The following CSMD1 variants were observed in gnomAD, a reference collection of about 807,000 sequenced individuals.
The protein encoded by CSMD1 is CUB and Sushi multiple domains 1, also known as CUB and sushi domain-containing protein 1.
In CSMD1, 213 loss-of-function variants were observed where a neutral mutation model predicts 417.5. The ratio of observed to expected loss-of-function variants is 0.51; its 90% confidence interval spans 0.46 to 0.57. The LOEUF (loss-of-function observed/expected upper bound fraction) is 0.57. Ranked by LOEUF, CSMD1 falls within the 20% of genes least tolerant of loss-of-function variation. The pLI is 0.00. For missense variants in CSMD1, 6,923 were observed against 4,529.7 expected (o/e 1.53, Z -15.17); for synonymous variants, 2,862 against 1,736.8 (o/e 1.65, Z -16.11).
At chr8:3,389,010 C>G (rs1289059243) in intron 17 of CSMD1, among the ~76,000 whole-genome samples, 3 of 152,056 alleles carry the variant, frequency 2.0e-5, no homozygotes, top group Admixed American at 1.3e-4. Flanking sequence ...ATTATTGGCT[C>G]CAAATGAACA....
At chr8:4,968,019 T>G (rs988448885) in intron 1 of CSMD1, among the ~76,000 whole-genome samples, 1 of 152,158 alleles carries the variant, frequency 6.6e-6, no homozygotes, top group Non-Finnish European at 1.5e-5. Context: ...TTTTATATAA[T>G]TGAATCTGAC....
intron 3 of CSMD1, among the ~76,000 whole-genome samples, chr8:4,174,106 G>C (rs1345389780): frequency 6.6e-6 from 1 of 152,134 alleles, no homozygotes; most frequent in Non-Finnish European, 1.5e-5. Context: ...CTCACAGAGT[G>C]GAGGGTAGGG....
At chr8:3,204,179 A>C (rs1797126945) in intron 31 of CSMD1, among the ~76,000 whole-genome samples, 1 of 152,182 alleles carries the variant, frequency 6.6e-6, no homozygotes, top group South Asian at 2.1e-4. Context: ...GTGTGATTAA[A>C]CTTTTCAAAT....
chr8:3,188,127 TGCC>T (rs1796182282), intron 35 of CSMD1, among the ~76,000 whole-genome samples, 162 bp from the exon 36 acceptor site: 1 of 147,028 alleles, frequency 6.8e-6, no homozygotes, highest in East Asian at 2.0e-4. Flanking sequence ...ATGCCTCCAA[TGCC>T]ATATATATAT....
chr8:4,010,806 A>G (rs1206788421), intron 4 of CSMD1, among the ~76,000 whole-genome samples: 1 of 152,146 alleles, frequency 6.6e-6, no homozygotes, highest in Non-Finnish European at 1.5e-5. Context: ...CATCACAGTA[A>G]AACACCTTTG....
In CSMD1 at chr8:4,486,938, G is replaced by C. The variant is rs180970806; in HGVS notation, c.303-66873C>G. Among the ~76,000 whole-genome samples the C allele has an allele frequency of 2.8e-4, 43 of 152,216 alleles. No homozygotes were observed. In the East Asian group the frequency reaches 7.7e-3, roughly 27 times the overall value. On this transcript the variant is annotated intron_variant, in intron 2 of 69. Coordinates refer to ENST00000635120, the MANE Select transcript of CSMD1 (RefSeq NM_033225.6). ...TAATTAAAGCTTGTCAAGCAGGCAGGGTCCTAAATGGTAGCTCACAGAGAG... is the reference window on the plus strand; with the variant it reads ...TAATTAAAGCTTGTCAAGCAGGCAGCGTCCTAAATGGTAGCTCACAGAGAG...
chr8:4,250,323 C>G (rs1220480371), intron 3 of CSMD1, among the ~76,000 whole-genome samples: 1 of 152,180 alleles, frequency 6.6e-6, no homozygotes, highest in Non-Finnish European at 1.5e-5. Context: ...TTTTCCATAG[C>G]TGTGCAAGCT....
chr8:3,762,951 TC>T (rs58828347), intron 5 of CSMD1, among the ~76,000 whole-genome samples: 7,112 of 152,250 alleles, frequency 0.047, 587 homozygotes, highest in African/African-American at 0.16. Context: ...TTTCTGCTCA[TC>T]CCCCAACTCT....
chr8:3,098,374 C>G (rs1484419632), intron 46 of CSMD1, among the ~76,000 whole-genome samples: 1 of 152,136 alleles, frequency 6.6e-6, no homozygotes, highest in Non-Finnish European at 1.5e-5. Context: ...AAGTAACTGC[C>G]TTTTGAAAAG....
intron 7 of CSMD1, among the ~76,000 whole-genome samples, chr8:3,680,684 T>G (rs1396197844): frequency 6.6e-6 from 1 of 152,176 alleles, no homozygotes; most frequent in African/African-American, 2.4e-5. Context: ...CCTAACTCAT[T>G]TCATGAGGCC....
At chr8:4,131,315 G>T (rs1159687911) in intron 3 of CSMD1, among the ~76,000 whole-genome samples, 1 of 152,112 alleles carries the variant, frequency 6.6e-6, no homozygotes, top group Non-Finnish European at 1.5e-5. Context: ...TGTAATGTGA[G>T]GTCTGACTGT....
intron 25 of CSMD1, among the ~76,000 whole-genome samples, chr8:3,306,214 G>GAT (rs1413787517): frequency 4.0e-5 from 6 of 151,814 alleles, no homozygotes; most frequent in Non-Finnish European, 7.4e-5. Context: ...TACTAAGCTT[G>GAT]ATAGGGTGGC....
At chr8:4,411,939 G>A (rs893537510) in intron 3 of CSMD1, among the ~76,000 whole-genome samples, 6 of 151,712 alleles carry the variant, frequency 4.0e-5, no homozygotes, top group Non-Finnish European at 8.8e-5. Flanking sequence ...ATTTTTAATA[G>A]TACTAGAACT....
At chr8:3,411,560 T>G (rs1005137404) in intron 12 of CSMD1, among the ~76,000 whole-genome samples, 1 of 151,606 alleles carries the variant, frequency 6.6e-6, no homozygotes, top group African/African-American at 2.4e-5. Context: ...TTTGCATTCC[T>G]GGGTTACTTC....
intron 3 of CSMD1, among the ~76,000 whole-genome samples, chr8:4,128,115 A>G (rs1024533571): frequency 2.6e-5 from 4 of 152,130 alleles, no homozygotes; most frequent in African/African-American, 4.8e-5. Flanking sequence ...TCTGGCAAAC[A>G]CTGTCAGGCC....
intron 3 of CSMD1, among the ~76,000 whole-genome samples, chr8:4,389,682 G>T (rs1467013116): frequency 1.3e-5 from 2 of 151,726 alleles, no homozygotes; most frequent in African/African-American, 4.8e-5. Context: ...TTTAATTTGG[G>T]GTAAACACAT....
chr8:3,809,891 C>T (rs556883210), intron 5 of CSMD1, among the ~76,000 whole-genome samples: 12 of 152,270 alleles, frequency 7.9e-5, no homozygotes, highest in African/African-American at 2.9e-4. Context: ...CGTACCTTTG[C>T]CTTTCTCCCA....
intron 2 of CSMD1, among the ~76,000 whole-genome samples, chr8:4,621,768 A>T (rs1373415048): frequency 1.3e-5 from 2 of 152,124 alleles, no homozygotes; most frequent in Non-Finnish European, 2.9e-5. Context: ...ACAGACACAA[A>T]TATTTTAAAT....
At chr8:3,099,386 C>T (rs1815571138) in intron 46 of CSMD1, among the ~76,000 whole-genome samples, 1 of 152,166 alleles carries the variant, frequency 6.6e-6, no homozygotes, top group African/African-American at 2.4e-5. Flanking sequence ...AAGCTCAGGG[C>T]TGCCTCTTCT....
Sources: gnomAD v4.1 joint callset for allele counts (sites outside exome capture counted in the v4.1 genomes callset) on GRCh38, gnomAD v4.1.1 for gene constraint, MANE v1.5 for transcripts, NCBI Gene and HGNC (gene_info 2026-07-23, HGNC 2026-07-21) for gene names.